The following DNAH7 variants were observed in gnomAD, a reference collection of about 807,000 sequenced individuals.
DNAH7 encodes the protein dynein axonemal heavy chain 7.
Under a neutral mutation model 444.6 loss-of-function variants are expected in DNAH7, and 397 were observed. That is an observed-to-expected ratio of 0.89 (90% confidence interval 0.82 to 0.97). The LOEUF is 0.97. Among genes scored for constraint, DNAH7 ranks in the 50% least tolerant of loss-of-function variants. The pLI is 0.00. For synonymous variants in DNAH7, 1,636 were observed against 1,624.4 expected (o/e 1.01, Z -0.17); for missense variants, 4,902 against 4,800.8 (o/e 1.02, Z -0.62).
intron 19 of DNAH7, among the ~76,000 whole-genome samples, chr2:195,951,406 T>A (rs1467232843): frequency 2.0e-5 from 3 of 152,174 alleles, no homozygotes; most frequent in African/African-American, 7.2e-5. Context: ...CTGAGAAGAA[T>A]GTATATTCTG....
chr2:195,746,356 G>C (rs540399601), intron 63 of DNAH7, among the ~76,000 whole-genome samples: 1 of 152,170 alleles, frequency 6.6e-6, no homozygotes, highest in African/African-American at 2.4e-5. Context: ...AGCAAGTCCT[G>C]AGTGACCTAC....
intron 19 of DNAH7, among the ~76,000 whole-genome samples, chr2:195,946,191 C>T (rs1352859368): frequency 1.3e-5 from 2 of 152,090 alleles, no homozygotes; most frequent in Admixed American, 6.5e-5. Context: ...ATGAATTGTG[C>T]CCTTCTGCAG....
intron 21 of DNAH7, among the ~76,000 whole-genome samples, chr2:195,930,575 T>C (rs1445500969): frequency 1.3e-5 from 2 of 152,194 alleles, no homozygotes; most frequent in Non-Finnish European, 2.9e-5. Flanking sequence ...ACACTATTGG[T>C]GGGATTGTAA....
intron 57 of DNAH7, among the ~76,000 whole-genome samples, chr2:195,790,465 T>TA (rs201882584): frequency 0.15 from 19,095 of 128,976 alleles, 1,482 homozygotes; most frequent in East Asian, 0.28. Context: ...TGGTACTGGT[T>TA]AAAAAAAAAA....
Position 196,048,287 on chromosome 2 carries a change from A to C in DNAH7, c.250+9T>G. On this transcript the variant is annotated intron_variant, in intron 4 of 64. Coordinates refer to ENST00000312428, the MANE Select transcript of DNAH7 (RefSeq NM_018897.3). ...CCTTAAATCTAATTTAGAATATTGAAGTTCTTACCATGGGACTGTTCATTT... is the reference window on the plus strand; with the variant it reads ...CCTTAAATCTAATTTAGAATATTGACGTTCTTACCATGGGACTGTTCATTT... 6.3e-7 allele frequency: 1 copy of C among 1,591,362 alleles called. No individual in the cohort carries two copies. The highest frequency in any genetic ancestry group is 1.1e-5 in the South Asian group (1 of 89,218).
intron 11 of DNAH7, 25 bp downstream of exon 11, chr2:196,001,650 T>C (rs1455578207): frequency 6.8e-7 from 1 of 1,472,998 alleles, no homozygotes; most frequent in African/African-American, 1.4e-5. Flanking sequence ...TGTAAATACA[T>C]ATTGGTGAAC....
chr2:196,053,805 T>C (rs1697636057), intron 2 of DNAH7, among the ~76,000 whole-genome samples: 1 of 152,228 alleles, frequency 6.6e-6, no homozygotes, highest in Non-Finnish European at 1.5e-5. Context: ...TGTAGCCATA[T>C]GATTTGTGTG....
intron 63 of DNAH7, among the ~76,000 whole-genome samples, chr2:195,743,053 A>T (rs956784440): frequency 6.6e-6 from 1 of 152,228 alleles, no homozygotes; most frequent in Non-Finnish European, 1.5e-5. Flanking sequence ...GAAGTTGGAA[A>T]GAGCAGACTT....
At chr2:195,854,238 C>A (rs1699565284) in intron 45 of DNAH7, among the ~76,000 whole-genome samples, 1 of 152,036 alleles carries the variant, frequency 6.6e-6, no homozygotes, top group South Asian at 2.1e-4. Context: ...TTTTTAAGTA[C>A]CTTAACATCA....
At chr2:195,911,033 C>T (rs866724203) in intron 24 of DNAH7, among the ~76,000 whole-genome samples, 4 of 152,168 alleles carry the variant, frequency 2.6e-5, no homozygotes, top group South Asian at 2.1e-4. Context: ...GACACCTCCA[C>T]GGGTGACAAC....
intron 16 of DNAH7, among the ~76,000 whole-genome samples, chr2:195,971,405 C>G (rs984886082): frequency 1.3e-5 from 2 of 152,186 alleles, no homozygotes; most frequent in Non-Finnish European, 2.9e-5. Context: ...AACAGCCCTG[C>G]TCTCAAGGAG....
chr2:195,772,175 G>A (rs1040824371), intron 60 of DNAH7, among the ~76,000 whole-genome samples: 33 of 152,324 alleles, frequency 2.2e-4, no homozygotes, highest in African/African-American at 7.2e-4. Context: ...CCAGGGTACA[G>A]GGGGAGTTGC....
chr2:196,043,002 A>G (rs544718499), intron 5 of DNAH7, among the ~76,000 whole-genome samples: 9 of 152,174 alleles, frequency 5.9e-5, no homozygotes, highest in African/African-American at 2.2e-4. Context: ...AATTTTAGAA[A>G]AGGTAAAAGT....
chr2:196,059,725 G>T (rs10207336), intron 1 of DNAH7, among the ~76,000 whole-genome samples: 35,181 of 151,972 alleles, frequency 0.23, 7,259 homozygotes, highest in African/African-American at 0.56. Context: ...AGACTTCCTT[G>T]CAAACTTTCA....
chr2:195,861,998 C>A (rs1700043818), intron 41 of DNAH7, 52 bp from the exon 42 acceptor site: 4 of 1,347,028 alleles, frequency 3.0e-6, no homozygotes, highest in South Asian at 2.4e-5. Flanking sequence ...GAATCTGGAT[C>A]TGCTACTACT....
intron 19 of DNAH7, among the ~76,000 whole-genome samples, chr2:195,954,718 T>C (rs1690516965): frequency 6.6e-6 from 1 of 152,246 alleles, no homozygotes; most frequent in African/African-American, 2.4e-5. Flanking sequence ...ATGATTGCCA[T>C]TCTAACTGGC....
chr2:196,048,708 T>C lies in DNAH7; in HGVS notation c.142-304A>G, dbSNP rs115220785. ...TTGTCAAGTGTCTTTAAACCTTCTA[T>C]TTTAATGAGAAGTGCTCTCTGCTGG... On this transcript the variant is annotated intron_variant, in intron 3 of 64. Transcript: ENST00000312428. Among the ~76,000 whole-genome samples, 253 of 152,350 alleles carry C rather than the reference T, an allele frequency of 1.7e-3. 1 individual carries two copies. The highest frequency in any genetic ancestry group is 3.2e-3 in the Non-Finnish European group (221 of 68,036).
At chr2:195,860,067 A>C (rs1699931416) in intron 42 of DNAH7, among the ~76,000 whole-genome samples, 1 of 152,118 alleles carries the variant, frequency 6.6e-6, no homozygotes, top group Non-Finnish European at 1.5e-5. Context: ...AGGAATTTTG[A>C]AAAGAAAAAA....
At chr2:195,934,870 T>C (rs934951938) in intron 20 of DNAH7, 81 bp from the exon 21 acceptor site, 5 of 1,456,684 alleles carry the variant, frequency 3.4e-6, no homozygotes, top group African/African-American at 1.4e-5. Flanking sequence ...TTAAAGTTCA[T>C]AAATGCTAGG....
Sources: gnomAD v4.1 joint callset for allele counts (sites outside exome capture counted in the v4.1 genomes callset) on GRCh38, gnomAD v4.1.1 for gene constraint, MANE v1.5 for transcripts, NCBI Gene and HGNC (gene_info 2026-07-23, HGNC 2026-07-21) for gene names.